Variants in GPHN observed in about 807,000 individuals in gnomAD.
GPHN encodes gephyrin.
In GPHN, 17 loss-of-function variants were observed where a neutral mutation model predicts 95.5. The observed-to-expected ratio is 0.18, with a 90% CI of 0.12 to 0.27. The LOEUF (loss-of-function observed/expected upper bound fraction) is 0.27, where lower values mean the gene tolerates loss of function less well. Ranked by LOEUF, GPHN falls within the 10% of genes least tolerant of loss-of-function variation. The pLI, the probability that GPHN is intolerant of heterozygous loss-of-function variation, is 1.00. For missense variants in GPHN, 660 were observed against 978.1 expected, an observed-to-expected ratio of 0.67 and a Z score of 4.34; for synonymous variants, 320 against 322.5, an observed-to-expected ratio of 0.99 and a Z score of 0.08.
At chr14:66,804,609 A>G (rs905003961) in intron 3 of GPHN, among the ~76,000 whole-genome samples, 2 of 152,214 alleles carry the variant, frequency 1.3e-5, no homozygotes, top group Admixed American at 1.3e-4. Context: ...TTGTCTGCCT[A>G]GTAAAATTAA....
the GPHN span, chr14:67,649,242 C>G: frequency 6.6e-6 from 1 of 152,134 alleles, no homozygotes; most frequent in Non-Finnish European, 1.5e-5. Context: ...ACTCATGGGG[C>G]TAGGCACAGT....
At chr14:67,461,392 TG>T in the GPHN span, among the ~76,000 whole-genome samples, 1 of 152,214 alleles carries the variant, frequency 6.6e-6, no homozygotes, top group Non-Finnish European at 1.5e-5. Context: ...GAATCTTTGT[TG>T]GGCAATCAGG....
chr14:67,729,231 C>A, the GPHN span: 8 of 1,611,358 alleles, frequency 5.0e-6, no homozygotes, highest in African/African-American at 1.1e-4. Context: ...CAGGCGTCGT[C>A]CGCTCTGAGC....
the GPHN span, chr14:67,734,039 G>C: frequency 3.8e-6 from 2 of 525,966 alleles, no homozygotes; most frequent in Non-Finnish European, 7.2e-6. Flanking sequence ...TATGGCATGA[G>C]TTGTGGACAC....
chr14:66,775,695 T>C (rs1299466322), intron 2 of GPHN, among the ~76,000 whole-genome samples: 1 of 152,166 alleles, frequency 6.6e-6, no homozygotes, highest in Non-Finnish European at 1.5e-5. Context: ...ATAGAGATAA[T>C]TGCAAGGATT....
At chr14:66,686,554 C>G (rs2067373598) in intron 2 of GPHN, among the ~76,000 whole-genome samples, 1 of 152,124 alleles carries the variant, frequency 6.6e-6, no homozygotes, top group South Asian at 2.1e-4. Flanking sequence ...CTCTATTTGT[C>G]TGTTATTGGT....
intron 4 of GPHN, among the ~76,000 whole-genome samples, chr14:66,865,544 A>G (rs1251056243): frequency 2.0e-5 from 3 of 152,200 alleles, no homozygotes; most frequent in Non-Finnish European, 2.9e-5. Context: ...CTTCATAGAG[A>G]TATGAAGCAT....
the GPHN span, among the ~76,000 whole-genome samples, chr14:67,621,336 C>T: frequency 2.0e-5 from 3 of 152,254 alleles, no homozygotes; most frequent in African/African-American, 4.8e-5. Flanking sequence ...AGTTTTCTGT[C>T]TTCAAATTAT....
intron 1 of GPHN, among the ~76,000 whole-genome samples, chr14:66,557,638 G>A (rs2060060799): frequency 6.6e-6 from 1 of 151,948 alleles, no homozygotes; most frequent in South Asian, 2.1e-4. Flanking sequence ...TTTTCTCAGA[G>A]CCTTCATGTT....
the GPHN span, among the ~76,000 whole-genome samples, chr14:67,232,212 GT>G: frequency 6.6e-6 from 1 of 152,112 alleles, no homozygotes; most frequent in East Asian, 1.9e-4. Flanking sequence ...TTCTGTCTTT[GT>G]TGCTCCCTCT....
chr14:67,220,796 C>G, the GPHN span, among the ~76,000 whole-genome samples: 1 of 152,258 alleles, frequency 6.6e-6, no homozygotes. Context: ...TTGATAAAGA[C>G]TATATGAATA....
the GPHN span, chr14:67,646,652 A>C: frequency 6.2e-7 from 1 of 1,610,518 alleles, no homozygotes; most frequent in Non-Finnish European, 8.5e-7. Flanking sequence ...AGGTACCACA[A>C]CTCCCAGGAT....
At chr14:67,002,222 C>T (rs938713963) in intron 9 of GPHN, among the ~76,000 whole-genome samples, 9 of 151,102 alleles carry the variant, frequency 6.0e-5, no homozygotes, top group Non-Finnish European at 1.0e-4. Context: ...ATAGTAATCC[C>T]ATCTTTTAAG....
the GPHN span, among the ~76,000 whole-genome samples, chr14:67,326,259 T>TTTTTTTA: frequency 8.1e-6 from 1 of 122,984 alleles, no homozygotes; most frequent in Non-Finnish European, 1.6e-5. Flanking sequence ...TTTTTTTTTT[T>TTTTTTTA]GAGAGGAGAT....
Position 66,835,914 on chromosome 14 carries a change from T to A in GPHN, c.294+11348T>A, listed in dbSNP as rs1183015583. ...TGTGAAGGACCTCTTCAAGGAGAAC[T>A]ACAAACCACTGCTCAAGGAAATAAA... On this transcript the variant is annotated intron_variant, in intron 4 of 22. Coordinates refer to ENST00000478722, the MANE Select transcript of GPHN (RefSeq NM_020806.5). 1.2e-4 allele frequency among the ~76,000 whole-genome samples: 18 copies of A among 148,988 alleles called. No individual in the cohort carries two copies. In the East Asian group the frequency reaches 3.6e-3, roughly 30 times the overall value.
the GPHN span, among the ~76,000 whole-genome samples, chr14:67,462,078 C>T: frequency 1.3e-5 from 2 of 152,198 alleles, no homozygotes; most frequent in Non-Finnish European, 2.9e-5. Context: ...AGGACAACAG[C>T]TAAATCAGGC....
At chr14:66,545,980 G>A (rs1479684640) in intron 1 of GPHN, among the ~76,000 whole-genome samples, 17 of 150,810 alleles carry the variant, frequency 1.1e-4, no homozygotes, top group Non-Finnish European at 1.8e-4. Context: ...CAGACGGGGC[G>A]GCTTCGGGGG....
At chr14:67,278,988 C>A in the GPHN span, 1 of 533,872 alleles carries the variant, frequency 1.9e-6, no homozygotes, top group Non-Finnish European at 3.1e-6. Context: ...GTAATTCTTA[C>A]ACTTTTTTCC....
At chr14:67,100,075 A>G (rs1281124253) in intron 12 of GPHN, among the ~76,000 whole-genome samples, 4 of 151,048 alleles carry the variant, frequency 2.6e-5, no homozygotes, top group African/African-American at 4.9e-5. Context: ...TATCCCAATT[A>G]TGGAATTTTT....
Sources: gnomAD v4.1 joint callset for allele counts (sites outside exome capture counted in the v4.1 genomes callset) on GRCh38, gnomAD v4.1.1 for gene constraint, MANE v1.5 for transcripts, NCBI Gene and HGNC (gene_info 2026-07-23, HGNC 2026-07-21) for gene names.